Variants in GARRE1 observed in about 807,000 individuals in gnomAD.
GARRE1 encodes granule associated Rac and RHOG effector protein 1.
Under a neutral mutation model 103.2 loss-of-function variants are expected in GARRE1, and 49 were observed. The observed-to-expected ratio is 0.47, with a 90% CI of 0.38 to 0.60. The LOEUF (loss-of-function observed/expected upper bound fraction) is 0.60. Ranked by LOEUF, GARRE1 falls within the 20% of genes least tolerant of loss-of-function variation. The pLI, the probability that GARRE1 is intolerant of heterozygous loss-of-function variation, is 0.00. For synonymous variants in GARRE1, 505 were observed against 532.8 expected, an observed-to-expected ratio of 0.95 and a Z score of 0.72; for missense variants, 1,199 against 1,370.5, an observed-to-expected ratio of 0.87 and a Z score of 1.98.
intron 2 of GARRE1, among the ~76,000 whole-genome samples, chr19:34,307,913 C>CT (rs1253208807): frequency 6.7e-6 from 1 of 150,282 alleles, no homozygotes; most frequent in Non-Finnish European, 1.5e-5. Flanking sequence ...TCCCGCGTAT[C>CT]TGAGACTGCG....
In GARRE1 at chr19:34,261,607, A is replaced by G. The variant is rs1034987552; in HGVS notation, c.-796+6993A>G. 5.3e-5 allele frequency among the ~76,000 whole-genome samples: 8 copies of G among 152,188 alleles called. No homozygotes were observed. The South Asian group carries it at 1.7e-3, about 32-fold the overall frequency. On this transcript the variant is annotated intron_variant, in intron 1 of 13. Transcript: ENST00000299505. ...TTCTTGAGCTGAGTACTGTGGGAAA[A>G]AGTAAGTCCAGTGCCACAGCAAGAG...
chr19:34,271,563 C>T (rs765373334), intron 1 of GARRE1, among the ~76,000 whole-genome samples: 5 of 152,052 alleles, frequency 3.3e-5, no homozygotes, highest in Non-Finnish European at 5.9e-5. Context: ...TGTGCACTTT[C>T]ATTGAAAGAA....
chr19:34,347,244 G>A (rs760810638), intron 10 of GARRE1, among the ~76,000 whole-genome samples: 5 of 151,998 alleles, frequency 3.3e-5, no homozygotes, highest in East Asian at 3.9e-4. Context: ...GCCTGCCACC[G>A]AACCCAGCTA....
chr19:34,300,988 A>G lies in GARRE1; in HGVS notation c.495+20A>G, dbSNP rs1475374160. ...ATTGAGGTAGAGTATCTTTTGTGTCATACTTGTGTAGGAAAATATACTACA... is the reference window on the plus strand; with the variant it reads ...ATTGAGGTAGAGTATCTTTTGTGTCGTACTTGTGTAGGAAAATATACTACA... On this transcript the variant is annotated intron_variant, in intron 2 of 13. Transcript: ENST00000299505. 6.3e-7 allele frequency: 1 copy of G among 1,579,376 alleles called. No homozygotes were observed. The highest frequency in any genetic ancestry group is 1.1e-5 in the South Asian group (1 of 88,810).
At chr19:34,338,362 C>T (rs34065914) in intron 8 of GARRE1, among the ~76,000 whole-genome samples, 1 of 151,982 alleles carries the variant, frequency 6.6e-6, no homozygotes, top group Non-Finnish European at 1.5e-5. Flanking sequence ...ATAGCGAGAC[C>T]CCATCTCTAC....
At chr19:34,316,754 G>A (rs901051119) in intron 2 of GARRE1, among the ~76,000 whole-genome samples, 2 of 152,220 alleles carry the variant, frequency 1.3e-5, no homozygotes, top group Non-Finnish European at 2.9e-5. Flanking sequence ...GTATGACTGA[G>A]TTGGTCTCCA....
rs1463105607 is a variant in GARRE1 at position 34,348,060 on chromosome 19, C to G, written c.2687+18C>G. ...ACAGAAGGGTGAGTGCTGGGTACTTCAGGGAATCTGAGCTTGAGACCCAGG... is the reference window on the plus strand; with the variant it reads ...ACAGAAGGGTGAGTGCTGGGTACTTGAGGGAATCTGAGCTTGAGACCCAGG... On this transcript the variant is annotated intron_variant, in intron 11 of 13. Coordinates refer to ENST00000299505, the MANE Select transcript of GARRE1 (RefSeq NM_014686.5). 1 of 1,401,862 alleles carries G rather than the reference C, an allele frequency of 7.1e-7. No homozygotes were observed. Among genetic ancestry groups the G allele is most frequent in the Non-Finnish European group, 9.4e-7 (1 of 1,066,868 alleles). 86.8% of individuals were successfully genotyped at this position (1,401,862 alleles called of 1,614,324 possible). A position where few individuals can be genotyped will look rare whatever the true frequency, so the allele number is the denominator to read the frequency against.
chr19:34,279,584 C>T (rs905027844), intron 1 of GARRE1, among the ~76,000 whole-genome samples: 2 of 152,076 alleles, frequency 1.3e-5, no homozygotes, highest in African/African-American at 2.4e-5. Context: ...AGTGGTATCT[C>T]ACTGTGGTTT....
At chr19:34,316,116 T>C (rs994202489) in intron 2 of GARRE1, among the ~76,000 whole-genome samples, 6 of 152,196 alleles carry the variant, frequency 3.9e-5, no homozygotes, top group Admixed American at 2.0e-4. Flanking sequence ...TCCCTACTTA[T>C]TACCTGCTTG....
intron 8 of GARRE1, 118 bp from the exon 9 acceptor site, chr19:34,339,749 C>T: frequency 8.3e-7 from 1 of 1,199,048 alleles, no homozygotes; most frequent in Admixed American, 1.9e-5. Context: ...CTTACAGTTA[C>T]TGAATTTTTG....
In GARRE1 at chr19:34,278,323, A is replaced by G. The variant is rs796283815; in HGVS notation, c.-795-21356A>G. Among the ~76,000 whole-genome samples, 32 of 151,986 alleles carry G rather than the reference A, an allele frequency of 2.1e-4. 1 individual carries two copies. The highest frequency in any genetic ancestry group is 6.3e-4 in the African/African-American group (26 of 41,466). On this transcript the variant is annotated intron_variant, in intron 1 of 13. Coordinates refer to ENST00000299505, the MANE Select transcript of GARRE1 (RefSeq NM_014686.5). ...GCCAGATGTGGTGGCATAAGCCTGC[A>G]GTCCCAGCTACTTGGGAGGCTGAGG...
Position 34,354,297 on chromosome 19 carries a change from T to C in GARRE1, c.*1342T>C, listed in dbSNP as rs2074258043. 1 of 152,242 alleles carries C rather than the reference T, an allele frequency of 6.6e-6. No homozygotes were observed. Among genetic ancestry groups the C allele is most frequent in the African/African-American group, 2.4e-5 (1 of 41,456 alleles). The allele number at this position is 152,242 out of a possible 1,614,324, so 9.4% of individuals were successfully genotyped here. The stretch of plus-strand genomic sequence containing the variant: ...AAATGGTTTATTCTTTCTAACTCCA[T>C]ATAAGCTTTTCCAGCAAAGATTGTA... On this transcript the variant is annotated 3_prime_UTR_variant, in exon 14 of 14. Transcript: ENST00000299505.
intron 1 of GARRE1, among the ~76,000 whole-genome samples, chr19:34,260,278 G>T (rs929024862): frequency 1.3e-5 from 2 of 152,198 alleles, no homozygotes; most frequent in African/African-American, 4.8e-5. Context: ...TAAGGTATGT[G>T]CATTGTTTTT....
chr19:34,305,235 T>C (rs1463348016), intron 2 of GARRE1, among the ~76,000 whole-genome samples: 2 of 152,248 alleles, frequency 1.3e-5, no homozygotes, highest in Non-Finnish European at 2.9e-5. Context: ...CTGGTTGTTG[T>C]ATGCCATTCC....
chr19:34,327,417 A>C lies in GARRE1; in HGVS notation c.706-4A>C. 6.2e-7 allele frequency: 1 copy of C among 1,613,978 alleles called. No individual in the cohort carries two copies. Among genetic ancestry groups the C allele is most frequent in the Non-Finnish European group, 8.5e-7 (1 of 1,179,932 alleles). ...TTACCTACCAGTTACTATATATGTT[A>C]CAGGCGACATCTAGACTAAGAGAAA... On this transcript the variant is annotated splice_region_variant and splice_polypyrimidine_tract_variant and intron_variant, in intron 3 of 13. Coordinates refer to ENST00000299505, the MANE Select transcript of GARRE1 (RefSeq NM_014686.5).
intron 2 of GARRE1, among the ~76,000 whole-genome samples, chr19:34,317,841 A>G (rs760622316): frequency 6.6e-6 from 1 of 152,206 alleles, no homozygotes; most frequent in Non-Finnish European, 1.5e-5. Context: ...TGTGTGCTCC[A>G]CTAAAGCTGT....
chr19:34,323,045 T>C (rs2074096789), intron 3 of GARRE1, among the ~76,000 whole-genome samples: 1 of 138,254 alleles, frequency 7.2e-6, no homozygotes, highest in South Asian at 2.5e-4. Context: ...TTTTTTTTTT[T>C]TTTTTGAGGT....
At chr19:34,347,798 A>G in intron 10 of GARRE1, 79 bp from the exon 11 acceptor site, 1 of 1,315,362 alleles carries the variant, frequency 7.6e-7, no homozygotes, top group South Asian at 1.6e-5. Flanking sequence ...ATGTGTGACC[A>G]GCACGTTAGC....
intron 11 of GARRE1, chr19:34,348,792 A>G (rs2145286400): frequency 1.9e-6 from 1 of 537,502 alleles, no homozygotes; most frequent in Non-Finnish European, 3.3e-6. Context: ...AACAAATTTC[A>G]TATACAAACC....
Sources: gnomAD v4.1 joint callset for allele counts (sites outside exome capture counted in the v4.1 genomes callset) on GRCh38, gnomAD v4.1.1 for gene constraint, MANE v1.5 for transcripts, NCBI Gene and HGNC (gene_info 2026-07-23, HGNC 2026-07-21) for gene names.